Variants in PRKCA observed in about 807,000 individuals in gnomAD.
PRKCA encodes the protein protein kinase C alpha, also known as protein kinase C alpha type.
A neutral mutation model predicts 87.0 loss-of-function variants in PRKCA; 27 were observed. The observed-to-expected ratio is 0.31, with a 90% CI of 0.23 to 0.43. The LOEUF is 0.43. PRKCA is among the 20% of genes least tolerant of loss of function. The pLI is 1.00. For missense variants in PRKCA, 518 were observed against 852.3 expected (o/e 0.61, Z 4.88); for synonymous variants, 329 against 311.1 (o/e 1.06, Z -0.61).
chr17:66,741,562 C>T (rs1974159494), intron 11 of PRKCA, 97 bp from the exon 12 acceptor site: 2 of 1,351,754 alleles, frequency 1.5e-6, no homozygotes, highest in Admixed American at 3.6e-5. Flanking sequence ...CTGGGTCTGA[C>T]ATTCTTTTCT....
chr17:66,332,364 A>C (rs1411244299), intron 2 of PRKCA, among the ~76,000 whole-genome samples: 2 of 151,554 alleles, frequency 1.3e-5, no homozygotes, highest in Non-Finnish European at 2.9e-5. Flanking sequence ...AGTAGCTGAG[A>C]TTACAGGCAT....
rs192709265 is a variant in PRKCA, at chr17:66,632,106, C to G, written c.289-9249C>G. Among the ~76,000 whole-genome samples the G allele has an allele frequency of 2.0e-3, 303 of 152,212 alleles. 2 individuals carry two copies. Among genetic ancestry groups the G allele is most frequent in the African/African-American group, 7.2e-3 (301 of 41,544 alleles). ...ATGAGGTGGTTGCGCCCCAGTTCCT[C>G]CAGCATGCTAGGCTTTTCCCCCAAT... On this transcript the variant is annotated intron_variant, in intron 3 of 16. Coordinates refer to ENST00000413366, the MANE Select transcript of PRKCA (RefSeq NM_002737.3).
chr17:66,356,135 G>T (rs551405091), intron 2 of PRKCA, among the ~76,000 whole-genome samples: 2 of 152,208 alleles, frequency 1.3e-5, no homozygotes, highest in Admixed American at 1.3e-4. Flanking sequence ...CTGATCTCAG[G>T]TGACCCACCC....
chr17:66,666,950 T>C (rs2143930814), intron 5 of PRKCA, among the ~76,000 whole-genome samples: 1 of 152,314 alleles, frequency 6.6e-6, no homozygotes, highest in South Asian at 2.1e-4. Flanking sequence ...AACGAAGGCA[T>C]AATCATGTGC....
chr17:66,432,390 T>G (rs1479746890), intron 2 of PRKCA, among the ~76,000 whole-genome samples: 1 of 152,116 alleles, frequency 6.6e-6, no homozygotes, highest in Non-Finnish European at 1.5e-5. Context: ...CCCCCACCTT[T>G]ACTTCCCCCA....
chr17:66,571,799 T>G (rs945294545), intron 3 of PRKCA, among the ~76,000 whole-genome samples: 12 of 151,492 alleles, frequency 7.9e-5, no homozygotes, highest in African/African-American at 2.9e-4. Context: ...GGGGTAGGAG[T>G]GGAGAAGGTA....
intron 2 of PRKCA, among the ~76,000 whole-genome samples, chr17:66,377,746 G>T: frequency 1.4e-5 from 1 of 70,504 alleles, no homozygotes; most frequent in Non-Finnish European, 2.7e-5. Flanking sequence ...TTTTTTTGAG[G>T]CAGGACCTCA....
At chr17:66,641,299 C>G (rs1432719635) in intron 3 of PRKCA, 56 bp from the exon 4 acceptor site, 33 of 1,347,444 alleles carry the variant, frequency 2.4e-5, no homozygotes, top group Non-Finnish European at 3.5e-5. Context: ...TTGGCTTAAT[C>G]TAAAAACGTG....
rs57610655 is a variant in PRKCA at position 66,613,779 on chromosome 17, C to CTTTTTT, written c.289-27555_289-27550dup. 1.3e-3 allele frequency among the ~76,000 whole-genome samples: 92 copies of CTTTTTT among 69,418 alleles called. 15 individuals carry two copies. The highest frequency in any genetic ancestry group is 0.017 in the Middle Eastern group (1 of 60). The allele number at this position is 69,418 out of a possible 152,430, so 45.5% of individuals were successfully genotyped here. A position where few individuals can be genotyped will look rare whatever the true frequency, so the allele number is the denominator to read the frequency against. The stretch of plus-strand genomic sequence containing the variant: ...CACCTTAATCCAGTATGACTTCATC[C>CTTTTTT]TTTTTTTTTTTTTTTTTTTTTTTTT... On this transcript the variant is annotated intron_variant, in intron 3 of 16. Transcript: ENST00000413366.
At chr17:66,740,479 C>G (rs1285644870) in intron 11 of PRKCA, among the ~76,000 whole-genome samples, 1 of 152,086 alleles carries the variant, frequency 6.6e-6, no homozygotes, top group East Asian at 1.9e-4. Flanking sequence ...ATCTAAGAGA[C>G]ACATTGGAAG....
At chr17:66,685,758 G>A (rs1320524271) in intron 5 of PRKCA, among the ~76,000 whole-genome samples, 1 of 152,184 alleles carries the variant, frequency 6.6e-6, no homozygotes, top group Non-Finnish European at 1.5e-5. Context: ...ATCTAACCCT[G>A]CCCACTGACA....
Position 66,805,243 on chromosome 17 carries a change from A to T in PRKCA, c.*1206A>T. On this transcript the variant is annotated 3_prime_UTR_variant, in exon 17 of 17. Transcript: ENST00000413366. ...AGCTCAAAGATGTTTTGTTAATAGA[A>T]GGATTTTAATACGTTTTGCAAATGC... 4.0e-6 allele frequency: 3 copies of T among 758,088 alleles called. No individual in the cohort carries two copies. Among genetic ancestry groups the T allele is most frequent in the Non-Finnish European group, 4.8e-6 (3 of 622,710 alleles). The allele number at this position is 758,088 out of a possible 1,614,324, so 47.0% of individuals were successfully genotyped here. A position where few individuals can be genotyped will look rare whatever the true frequency, so the allele number is the denominator to read the frequency against.
At chr17:66,480,908 C>T (rs984495089) in intron 2 of PRKCA, among the ~76,000 whole-genome samples, 5 of 152,048 alleles carry the variant, frequency 3.3e-5, no homozygotes, top group Admixed American at 6.5e-5. Context: ...ATGTGAATTG[C>T]GTTCCTTCCC....
At chr17:66,554,402 C>G (rs140569616) in intron 3 of PRKCA, 69 of 290,440 alleles carry the variant, frequency 2.4e-4, no homozygotes, top group African/African-American at 1.5e-3. Flanking sequence ...ATTTTTAGAG[C>G]CTCCATTACC....
intron 3 of PRKCA, among the ~76,000 whole-genome samples, chr17:66,515,391 A>G (rs543395596): frequency 8.5e-5 from 13 of 152,210 alleles, no homozygotes; most frequent in Middle Eastern, 3.4e-3. Context: ...AGTCTTTTCA[A>G]TGCTCCTATT....
At chr17:66,782,394 ACTC>A (rs1279989802) in intron 14 of PRKCA, among the ~76,000 whole-genome samples, 1 of 151,626 alleles carries the variant, frequency 6.6e-6, no homozygotes, top group African/African-American at 2.4e-5. Flanking sequence ...GCACTTAACT[ACTC>A]CTCTTCCCTA....
At chr17:66,531,075 T>G (rs1967518640) in intron 3 of PRKCA, among the ~76,000 whole-genome samples, 1 of 152,162 alleles carries the variant, frequency 6.6e-6, no homozygotes, top group Non-Finnish European at 1.5e-5. Context: ...AATTAGGAGC[T>G]TTTCAGTAAC....
At chr17:66,369,369 C>T (rs950717782) in intron 2 of PRKCA, among the ~76,000 whole-genome samples, 6 of 152,216 alleles carry the variant, frequency 3.9e-5, no homozygotes, top group Admixed American at 6.5e-5. Flanking sequence ...GCAAGGGTGG[C>T]ACCTGGGGAG....
chr17:66,650,669 G>A (rs927248976), intron 5 of PRKCA, among the ~76,000 whole-genome samples: 6 of 151,956 alleles, frequency 3.9e-5, no homozygotes, highest in African/African-American at 9.7e-5. Context: ...CAGCTCTTAC[G>A]GCCCAGAGAC....
Sources: gnomAD v4.1 joint callset for allele counts (sites outside exome capture counted in the v4.1 genomes callset) on GRCh38, gnomAD v4.1.1 for gene constraint, MANE v1.5 for transcripts, NCBI Gene and HGNC (gene_info 2026-07-23, HGNC 2026-07-21) for gene names.